The following KMT2C variants were observed in gnomAD, a reference collection of about 807,000 sequenced individuals.
KMT2C encodes the protein lysine methyltransferase 2C, also known as histone-lysine N-methyltransferase 2C.
Under a neutral mutation model 507.9 loss-of-function variants are expected in KMT2C, and 88 were observed. The ratio of observed to expected loss-of-function variants is 0.17; its 90% CI spans 0.15 to 0.21. KMT2C has a LOEUF of 0.21. KMT2C is among the 10% of genes least tolerant of loss of function. The pLI, the probability that KMT2C is intolerant of heterozygous loss-of-function variation, is 1.00. For missense variants in KMT2C, 4,954 were observed against 5,957.8 expected (o/e 0.83, Z 5.55); for synonymous variants, 2,049 against 2,080.8 (o/e 0.98, Z 0.42).
At position 152,195,853 on chromosome 7, in the gene KMT2C, C is replaced by G; in HGVS notation, c.4378+54G>C. The G allele has an allele frequency of 4.1e-6, 4 of 975,068 alleles. No individual in the cohort carries two copies. The South Asian group carries it at 6.9e-5, about 17-fold the overall frequency. 60.4% of individuals were successfully genotyped at this position (975,068 alleles called of 1,614,324 possible). On this transcript the variant is annotated intron_variant, in intron 28 of 58. Transcript: ENST00000262189. Reference sequence around the variant, plus strand: ...GGCTAAACTTGTTCCACACATCATACACCTCTCGCTCACATCAGAAACCAG... The same window carrying G: ...GGCTAAACTTGTTCCACACATCATAGACCTCTCGCTCACATCAGAAACCAG...
chr7:152,370,390 A>C (rs1325778810), intron 1 of KMT2C, among the ~76,000 whole-genome samples: 2 of 152,192 alleles, frequency 1.3e-5, no homozygotes, highest in South Asian at 2.1e-4. Flanking sequence ...CTGAAATAAC[A>C]ATCTCCAGGC....
At chr7:152,293,625 A>C (rs2096457974) in intron 6 of KMT2C, among the ~76,000 whole-genome samples, 2 of 152,168 alleles carry the variant, frequency 1.3e-5, no homozygotes, top group Non-Finnish European at 2.9e-5. Context: ...ACAATACCAA[A>C]GAATACCACC....
At chr7:152,364,616 AAAAAG>A (rs1361795749) in intron 1 of KMT2C, among the ~76,000 whole-genome samples, 3 of 151,882 alleles carry the variant, frequency 2.0e-5, no homozygotes, top group Non-Finnish European at 4.4e-5. Flanking sequence ...CTCCAAAAAA[AAAAAG>A]AAAAGAAAAA....
At chr7:152,139,823 A>C (rs1358754847) in intron 55 of KMT2C, 32 bp from the exon 56 acceptor site, 1 of 1,447,872 alleles carries the variant, frequency 6.9e-7, no homozygotes, top group Admixed American at 1.7e-5. Flanking sequence ...CTTCCAATTT[A>C]TGTGACAACA....
At chr7:152,385,611 C>CAAAAAAAAAAAAAAA (rs1160527130) in intron 1 of KMT2C, among the ~76,000 whole-genome samples, 7 of 19,442 alleles carry the variant, frequency 3.6e-4, no homozygotes, top group South Asian at 2.5e-3. Flanking sequence ...GACTCCGTCT[C>CAAAAAAAAAAAAAAA]AAAAAAAAAA....
At chr7:152,358,451 AG>A in intron 2 of KMT2C, 135 bp downstream of exon 2, 1 of 525,770 alleles carries the variant, frequency 1.9e-6, no homozygotes, top group Non-Finnish European at 3.3e-6. Flanking sequence ...TATCAAAACA[AG>A]GCAGATGGGA....
intron 1 of KMT2C, among the ~76,000 whole-genome samples, chr7:152,373,830 C>T (rs1300246954): frequency 1.3e-5 from 2 of 152,054 alleles, no homozygotes; most frequent in East Asian, 1.9e-4. Flanking sequence ...TAAAACTCTA[C>T]TTATGAACAT....
Position 152,195,977 on chromosome 7 carries a change from T to A in KMT2C, c.4308A>T (p.Glu1436Asp). Residue 1436 changes from glutamate to aspartate, a missense_variant, in exon 28 of 59, where the codon GAA becomes GAT. Transcript: ENST00000262189. Reference protein sequence around the residue: ...PADDPLADISEVLNTDDDILG... With the variant: ...PADDPLADISDVLNTDDDILG... ...GAATGTCATCATCTGTGTTTAAAAC[T>A]TCAGAAATATCAGCTAATGGGTCAT... The A allele has an allele frequency of 6.2e-7, 1 of 1,609,494 alleles. No homozygotes were observed. The highest frequency in any genetic ancestry group is 8.5e-7 in the Non-Finnish European group (1 of 1,176,754).
rs1336921498 is a variant in KMT2C at position 152,144,483 on chromosome 7, G to A, written c.14343+230C>T. 1.3e-5 allele frequency among the ~76,000 whole-genome samples: 2 copies of A among 152,236 alleles called. No homozygotes were observed. Among genetic ancestry groups the A allele is most frequent in the Admixed American group, 1.3e-4 (2 of 15,288 alleles). On this transcript the variant is annotated intron_variant, in intron 55 of 58. Transcript: ENST00000262189. This position sits in a 1 kb window ranked among gnomAD's most constrained non-coding sequence, Gnocchi z 4.4. Reference sequence around the variant, plus strand: ...CCAGGAGCTCTCAACAAGATGCAAAGATGTGGATTCCACTGGTCTGCTTTC... The same window carrying A: ...CCAGGAGCTCTCAACAAGATGCAAAAATGTGGATTCCACTGGTCTGCTTTC...
intron 22 of KMT2C, among the ~76,000 whole-genome samples, chr7:152,221,269 C>T (rs569550308): frequency 5.9e-5 from 9 of 152,094 alleles, no homozygotes; most frequent in Non-Finnish European, 1.3e-4. Context: ...AAAAGTCTTC[C>T]TGGAATTTCT....
rs2097255750 is a variant in KMT2C at position 152,367,354 on chromosome 7, A to G, written c.162-8679T>C. ...GCAGAAGCCCTGAAGCAGACACCCC[A>G]GGGAGCACCTACCAGGGGCACCCCC... On this transcript the variant is annotated intron_variant, in intron 1 of 58. Transcript: ENST00000262189. The G allele has an allele frequency of 3.9e-6, 3 of 772,428 alleles. No individual in the cohort carries two copies. In the South Asian group the frequency reaches 4.5e-5, roughly 12 times the overall value. The allele number at this position is 772,428 out of a possible 1,614,324, so 47.8% of individuals were successfully genotyped here. A position where few individuals can be genotyped will look rare whatever the true frequency, so the allele number is the denominator to read the frequency against.
intron 11 of KMT2C, among the ~76,000 whole-genome samples, chr7:152,251,654 AG>A (rs1386601376): frequency 6.6e-6 from 1 of 152,192 alleles, no homozygotes; most frequent in African/African-American, 2.4e-5. Context: ...GCAAACCCAA[AG>A]ACTGGGGAAC....
At chr7:152,386,447 A>G (rs1294156459) in intron 1 of KMT2C, among the ~76,000 whole-genome samples, 1 of 152,310 alleles carries the variant, frequency 6.6e-6, no homozygotes, top group Non-Finnish European at 1.5e-5. Context: ...GGTGGCAAAA[A>G]CTGGCTATTT....
Position 152,136,387 on chromosome 7 carries a change from ACT to A in KMT2C, c.*443_*444del, listed in dbSNP as rs2089873622. 1 of 230,142 alleles carries A rather than the reference ACT, an allele frequency of 4.3e-6. No individual in the cohort carries two copies. The highest frequency in any genetic ancestry group is 5.4e-5 in the Admixed American group (1 of 18,370). The allele number at this position is 230,142 out of a possible 1,614,324, so 14.3% of individuals were successfully genotyped here. A position where few individuals can be genotyped will look rare whatever the true frequency, so the allele number is the denominator to read the frequency against. On this transcript the variant is annotated 3_prime_UTR_variant, in exon 59 of 59. Transcript: ENST00000262189. ...CCTTTTTAATAAGGCCGTGGCCAGC[ACT>A]CTCTGTCCCCCTCGCTGGTGATTTC... is the stretch of plus-strand genomic sequence containing the variant.
chr7:152,326,603 G>T (rs912008403), intron 3 of KMT2C, among the ~76,000 whole-genome samples: 1 of 152,082 alleles, frequency 6.6e-6, no homozygotes, highest in Non-Finnish European at 1.5e-5. Context: ...AATTCAGGCC[G>T]GGGACGGTGG....
At chr7:152,411,535 G>A (rs1429951115) in intron 1 of KMT2C, among the ~76,000 whole-genome samples, 1 of 152,156 alleles carries the variant, frequency 6.6e-6, no homozygotes, top group Non-Finnish European at 1.5e-5. Context: ...GAAAGAGGAG[G>A]GGGAAGAAGG....
rs186211151 is a variant in KMT2C, at chr7:152,241,302, C to T, written c.2533-2476G>A. On this transcript the variant is annotated intron_variant, in intron 14 of 58. Coordinates refer to ENST00000262189, the MANE Select transcript of KMT2C (RefSeq NM_170606.3). ...GCAACCTCTACCTCCCAGGTTCAAG[C>T]GATTCTCCTGCCTCAAGTCTCCTGA... Among the ~76,000 whole-genome samples the T allele has an allele frequency of 3.7e-3, 569 of 152,238 alleles. 7 individuals carry two copies. The highest frequency in any genetic ancestry group is 4.5e-3 in the Admixed American group (69 of 15,296).
At position 152,182,273 on chromosome 7, in the gene KMT2C, G is replaced by C. The variant is rs142070663; in HGVS notation, c.5587C>G (p.Pro1863Ala). 3.5e-3 allele frequency: 5,609 copies of C among 1,614,092 alleles called. 12 individuals carry two copies. Among genetic ancestry groups the C allele is most frequent in the Non-Finnish European group, 4.3e-3 (5,111 of 1,179,984 alleles). ...PPPPPAPSRI[P>A]IQDSLSQAQT... ...GCCTGAGAAAGACTATCCTGGATGG[G>C]AATCCGGGATGGGGCTGGAGGAGGA... The change falls in exon 36 of 59, where the codon CCC (proline) becomes GCC (alanine). Residue 1863 changes from proline (P) to alanine (A), a missense_variant. By Grantham distance (27) the Pro-to-Ala change is conservative. This residue lies in a region of KMT2C where 1,689 missense variants were observed against 1,654.3 expected (regional missense o/e 1.02). Coordinates refer to ENST00000262189, the MANE Select transcript of KMT2C (RefSeq NM_170606.3).
chr7:152,281,405 G>A (rs1456775924), intron 6 of KMT2C, among the ~76,000 whole-genome samples: 1 of 152,112 alleles, frequency 6.6e-6, no homozygotes, highest in Non-Finnish European at 1.5e-5. Context: ...TTATTTGCCA[G>A]CAGCTAAGCC....
Sources: gnomAD v4.1 joint callset for allele counts (sites outside exome capture counted in the v4.1 genomes callset) on GRCh38, gnomAD v4.1.1 for gene constraint, gnomAD v4.1.1 regional missense constraint, Gnocchi (gnomAD v3.1) non-coding constraint, MANE v1.5 for transcripts, NCBI Gene and HGNC (gene_info 2026-07-23, HGNC 2026-07-21) for gene names.